Variants in CSMD1 observed in about 807,000 individuals in gnomAD.
CSMD1 encodes CUB and sushi domain-containing protein 1.
In CSMD1, 213 loss-of-function variants were observed where a neutral mutation model predicts 417.5. That is an observed-to-expected ratio of 0.51 (90% CI 0.46 to 0.57). The LOEUF (loss-of-function observed/expected upper bound fraction) is 0.57. Among genes scored for constraint, CSMD1 ranks in the 20% least tolerant of loss-of-function variants. CSMD1 has a pLI of 0.00. For synonymous variants in CSMD1, 2,862 were observed against 1,736.8 expected, an observed-to-expected ratio of 1.65 and a Z score of -16.11; for missense variants, 6,923 against 4,529.7, an observed-to-expected ratio of 1.53 and a Z score of -15.17.
chr8:4,331,948 T>C (rs553065165), intron 3 of CSMD1, among the ~76,000 whole-genome samples: 2 of 152,296 alleles, frequency 1.3e-5, no homozygotes, highest in South Asian at 4.1e-4. Flanking sequence ...GACCATGGCA[T>C]TGGAATTCAT....
At chr8:4,961,130 G>A (rs1463905829) in intron 1 of CSMD1, among the ~76,000 whole-genome samples, 2 of 152,110 alleles carry the variant, frequency 1.3e-5, no homozygotes, top group Admixed American at 1.3e-4. Flanking sequence ...CATTTACTAT[G>A]ATTAACTTCT....
intron 2 of CSMD1, among the ~76,000 whole-genome samples, chr8:4,431,824 G>T (rs963939368): frequency 6.6e-6 from 1 of 151,910 alleles, no homozygotes; most frequent in African/African-American, 2.4e-5. Flanking sequence ...ACACATCCAA[G>T]ATAAAGTACT....
At chr8:3,750,574 G>A (rs1388044450) in intron 6 of CSMD1, among the ~76,000 whole-genome samples, 2 of 151,964 alleles carry the variant, frequency 1.3e-5, no homozygotes, top group African/African-American at 4.8e-5. Context: ...ATTTAGTTCA[G>A]ATAAAAGGTA....
intron 3 of CSMD1, among the ~76,000 whole-genome samples, chr8:4,357,631 A>G (rs1584951162): frequency 6.6e-6 from 1 of 152,168 alleles, no homozygotes; most frequent in Non-Finnish European, 1.5e-5. Flanking sequence ...TTAAATAAAT[A>G]CAATATCTAC....
chr8:3,678,702 C>T (rs1204817737), intron 7 of CSMD1, among the ~76,000 whole-genome samples: 1 of 152,062 alleles, frequency 6.6e-6, no homozygotes, highest in Non-Finnish European at 1.5e-5. Flanking sequence ...CAAAGATACT[C>T]CTCGAGAAGA....
At chr8:4,773,911 C>T in intron 1 of CSMD1, among the ~76,000 whole-genome samples, 1 of 152,208 alleles carries the variant, frequency 6.6e-6, no homozygotes, top group East Asian at 1.9e-4. Flanking sequence ...AAATCCTACT[C>T]TTGGCTGGGT....
At chr8:4,470,575 C>A (rs1388850208) in intron 2 of CSMD1, among the ~76,000 whole-genome samples, 1 of 152,132 alleles carries the variant, frequency 6.6e-6, no homozygotes, top group African/African-American at 2.4e-5. Flanking sequence ...AATGTACAAC[C>A]AAATAATATA....
chr8:4,974,436 T>G (rs151276941), intron 1 of CSMD1, among the ~76,000 whole-genome samples: 68 of 152,248 alleles, frequency 4.5e-4, no homozygotes, highest in African/African-American at 1.5e-3. Context: ...ATTTAAATTT[T>G]TGACAGAATT....
At chr8:3,783,888 C>G (rs904380973) in intron 5 of CSMD1, among the ~76,000 whole-genome samples, 5 of 145,072 alleles carry the variant, frequency 3.4e-5, no homozygotes, top group Non-Finnish European at 7.5e-5. Flanking sequence ...TAGACTCGGC[C>G]ATGGTTGTGG....
At chr8:4,468,177 T>G (rs1166258801) in intron 2 of CSMD1, among the ~76,000 whole-genome samples, 1 of 152,168 alleles carries the variant, frequency 6.6e-6, no homozygotes, top group Non-Finnish European at 1.5e-5. Context: ...CTAACAGCAC[T>G]TGTCACGCTG....
intron 1 of CSMD1, among the ~76,000 whole-genome samples, chr8:4,759,293 T>G (rs1811870503): frequency 6.6e-6 from 1 of 152,104 alleles, no homozygotes; most frequent in Non-Finnish European, 1.5e-5. Flanking sequence ...GGAAGCTCTT[T>G]CACAAGCCAA....
intron 3 of CSMD1, among the ~76,000 whole-genome samples, chr8:4,088,481 C>T (rs146607524): frequency 5.9e-5 from 9 of 152,220 alleles, no homozygotes; most frequent in Non-Finnish European, 5.9e-5. Context: ...TCTCTCTTCA[C>T]TGGTTATCCA....
intron 3 of CSMD1, among the ~76,000 whole-genome samples, chr8:4,270,069 T>G (rs183178473): frequency 1.3e-5 from 2 of 152,310 alleles, no homozygotes; most frequent in East Asian, 3.9e-4. Context: ...GAAAAGCTTC[T>G]GAGGAGAGAA....
At chr8:4,680,366 A>G (rs1161669431) in intron 1 of CSMD1, among the ~76,000 whole-genome samples, 2 of 151,994 alleles carry the variant, frequency 1.3e-5, no homozygotes, top group Non-Finnish European at 2.9e-5. Context: ...ATCTTTCCCT[A>G]CTAATGTTAC....
chr8:4,664,888 C>G (rs1804818306), intron 1 of CSMD1, among the ~76,000 whole-genome samples: 1 of 152,124 alleles, frequency 6.6e-6, no homozygotes, highest in African/African-American at 2.4e-5. Context: ...TATATTACTT[C>G]TTTACAGTTT....
intron 1 of CSMD1, among the ~76,000 whole-genome samples, chr8:4,699,537 C>G (rs1487674808): frequency 6.6e-6 from 1 of 152,164 alleles, no homozygotes; most frequent in African/African-American, 2.4e-5. Flanking sequence ...TCTTTTCTGT[C>G]TTATTAACTC....
intron 7 of CSMD1, among the ~76,000 whole-genome samples, chr8:3,698,012 C>A (rs1261865421): frequency 6.6e-6 from 1 of 152,080 alleles, no homozygotes; most frequent in Non-Finnish European, 1.5e-5. Context: ...TCCAATCAGG[C>A]TATACATTGT....
chr8:4,190,078 G>A (rs1026987119), intron 3 of CSMD1, among the ~76,000 whole-genome samples: 5 of 151,788 alleles, frequency 3.3e-5, no homozygotes, highest in African/African-American at 7.3e-5. Context: ...CTAACATGGT[G>A]AAACCCCATC....
chr8:4,675,040 G>T (rs1024880466), intron 1 of CSMD1, among the ~76,000 whole-genome samples: 16 of 152,204 alleles, frequency 1.1e-4, no homozygotes, highest in Non-Finnish European at 2.1e-4. Flanking sequence ...GCACCTTAGT[G>T]TTGGACGCAC....
Sources: gnomAD v4.1 joint callset for allele counts (sites outside exome capture counted in the v4.1 genomes callset) on GRCh38, gnomAD v4.1.1 for gene constraint, MANE v1.5 for transcripts, NCBI Gene and HGNC (gene_info 2026-07-23, HGNC 2026-07-21) for gene names.